The following MMD2 variants were observed in gnomAD, a reference collection of about 807,000 sequenced individuals.
MMD2 encodes monocyte to macrophage differentiation factor 2.
In MMD2, 30 loss-of-function variants were observed where a neutral mutation model predicts 33.5. The ratio of observed to expected loss-of-function variants is 0.90; its 90% CI spans 0.67 to 1.22. MMD2 has a LOEUF of 1.22. Ranked by LOEUF, MMD2 falls within the 50% of genes most tolerant of loss-of-function variation. MMD2 has a pLI of 0.00. For missense variants in MMD2, 364 were observed against 325.4 expected (o/e 1.12, Z -0.91); for synonymous variants, 129 against 123.0 (o/e 1.05, Z -0.32).
In MMD2 at chr7:4,940,512, C is replaced by A. The variant is rs1785878786; in HGVS notation, c.48-14980G>T. On this transcript the variant is annotated intron_variant, in intron 1 of 6. Transcript: ENST00000401401. The surrounding 1 kb of genome is among the most constrained non-coding windows in gnomAD (Gnocchi z 5.0). Reference sequence around the variant, plus strand: ...GTTCTGTCCGTCTGTCCCACAGAGGCAAGGGACCACGCAGGGCCAAGTTGG... The same window carrying A: ...GTTCTGTCCGTCTGTCCCACAGAGGAAAGGGACCACGCAGGGCCAAGTTGG... Among the ~76,000 whole-genome samples, 1 of 152,218 alleles carries A rather than the reference C, an allele frequency of 6.6e-6. No homozygotes were observed. The highest frequency in any genetic ancestry group is 1.5e-5 in the Non-Finnish European group (1 of 68,030).
Position 4,911,203 on chromosome 7 carries a change from A to G in MMD2, c.409T>C (p.Trp137Arg), listed in dbSNP as rs1344501695. ...ACGGAAGCCATAATCCAGACCAGCC[A>G]GCGCATGTGGGAGGCCCAGGGGCCC... ...ELGPWASHMRWLVWIMASVGT... is the reference protein window; with the variant it reads ...ELGPWASHMRRLVWIMASVGT... Residue 137 changes from tryptophan (W) to arginine (R), a missense_variant, in exon 5 of 7, where the codon TGG becomes CGG. Physicochemically the swap from Trp to Arg is moderately radical, Grantham distance 101. Coordinates refer to ENST00000401401, the MANE Select transcript of MMD2 (RefSeq NM_198403.4). 11 of 1,602,616 alleles carry G rather than the reference A, an allele frequency of 6.9e-6. No homozygotes were observed. The highest frequency in any genetic ancestry group is 1.7e-5 in the Admixed American group (1 of 58,298).
chr7:4,930,742 G>T (rs777856198), intron 1 of MMD2, among the ~76,000 whole-genome samples: 4 of 152,134 alleles, frequency 2.6e-5, no homozygotes, highest in Non-Finnish European at 4.4e-5. Context: ...AGAGATTGTG[G>T]CAATGCGAAG....
intron 2 of MMD2, among the ~76,000 whole-genome samples, chr7:4,921,288 C>T (rs989989629): frequency 7.9e-5 from 12 of 152,170 alleles, no homozygotes; most frequent in African/African-American, 2.6e-4. Context: ...CTAAGCAGCA[C>T]AGGCGCCCAG....
intron 1 of MMD2, among the ~76,000 whole-genome samples, chr7:4,935,896 A>T (rs1021351406): frequency 1.3e-5 from 2 of 151,874 alleles, no homozygotes; most frequent in Non-Finnish European, 2.9e-5. Flanking sequence ...CAAAATAAAA[A>T]ATTTTGGGCC....
At chr7:4,936,652 C>A (rs552191104) in intron 1 of MMD2, among the ~76,000 whole-genome samples, 1 of 152,168 alleles carries the variant, frequency 6.6e-6, no homozygotes, top group Non-Finnish European at 1.5e-5. Context: ...CTCAGCCTCC[C>A]AAAGAGCTGG....
rs1372465218 is a variant in MMD2 at position 4,916,145 on chromosome 7, G to A, written c.291-66C>T. On this transcript the variant is annotated intron_variant, in intron 3 of 6. Transcript: ENST00000401401. ...GCAGGGAAGGGCCAGTGCCCCCAGA[G>A]CCGTGCCCTGGACTGATCGTGCCTG... The A allele has an allele frequency of 1.3e-5, 20 of 1,498,172 alleles. No homozygotes were observed. The Admixed American group carries it at 3.2e-4, about 24-fold the overall frequency. 92.8% of individuals were successfully genotyped at this position (1,498,172 alleles called of 1,614,324 possible).
At chr7:4,948,812 T>C (rs1355561551) in intron 1 of MMD2, among the ~76,000 whole-genome samples, 1 of 152,140 alleles carries the variant, frequency 6.6e-6, no homozygotes, top group East Asian at 1.9e-4. Flanking sequence ...CCAAAATTCT[T>C]TTTAGGTTCT....
At chr7:4,951,023 T>C (rs1221234518) in intron 1 of MMD2, among the ~76,000 whole-genome samples, 2 of 152,012 alleles carry the variant, frequency 1.3e-5, no homozygotes, top group Non-Finnish European at 2.9e-5. Flanking sequence ...TAAATTTCCT[T>C]ATTTTGATCT....
intron 3 of MMD2, among the ~76,000 whole-genome samples, chr7:4,919,726 C>A (rs1251887730): frequency 1.3e-5 from 2 of 151,946 alleles, no homozygotes; most frequent in Admixed American, 1.3e-4. Flanking sequence ...TCTCTACCCA[C>A]CCCCCAAAAA....
chr7:4,909,838 G>C (rs778602908), intron 6 of MMD2, 43 bp downstream of exon 6: 2 of 1,581,412 alleles, frequency 1.3e-6, no homozygotes, highest in East Asian at 4.7e-5. Flanking sequence ...GACACTCTTG[G>C]TCTCTTGCAG....
In MMD2 at chr7:4,938,534, G is replaced by A. The variant is rs138211868; in HGVS notation, c.48-13002C>T. ...CAGCTAATCCTAATCACCTCCCAAA[G>A]GTCCCACCCCTCCAATACCACAGTC... On this transcript the variant is annotated intron_variant, in intron 1 of 6. Coordinates refer to ENST00000401401, the MANE Select transcript of MMD2 (RefSeq NM_198403.4). Among the ~76,000 whole-genome samples, 6 of 152,148 alleles carry A rather than the reference G, an allele frequency of 3.9e-5. No homozygotes were observed. In the East Asian group the frequency reaches 9.7e-4, roughly 24 times the overall value.
rs982549184 is a variant in MMD2 at position 4,946,299 on chromosome 7, C to T, written c.47+12672G>A. ...CTTCACAGAGTCGAAACACCATCCC[C>T]GCATCCTAAGAATAGCCATGCTCCA... On this transcript the variant is annotated intron_variant, in intron 1 of 6. Transcript: ENST00000401401. This position sits in a 1 kb window ranked among gnomAD's most constrained non-coding sequence, Gnocchi z 5.0. Among the ~76,000 whole-genome samples, 1 of 152,178 alleles carries T rather than the reference C, an allele frequency of 6.6e-6. No homozygotes were observed. The highest frequency in any genetic ancestry group is 1.5e-5 in the Non-Finnish European group (1 of 68,024).
At chr7:4,949,022 C>A (rs1329524461) in intron 1 of MMD2, among the ~76,000 whole-genome samples, 1 of 151,924 alleles carries the variant, frequency 6.6e-6, no homozygotes, top group Non-Finnish European at 1.5e-5. Flanking sequence ...GTGAGCTGAG[C>A]CAACATGGAA....
intron 1 of MMD2, among the ~76,000 whole-genome samples, chr7:4,942,808 G>C (rs1014607351): frequency 2.7e-5 from 4 of 149,896 alleles, no homozygotes; most frequent in Non-Finnish European, 5.9e-5. Flanking sequence ...GTAGAGACAG[G>C]GTTTCACCAT....
intron 1 of MMD2, among the ~76,000 whole-genome samples, chr7:4,929,966 T>G (rs1298158276): frequency 1.3e-5 from 2 of 152,096 alleles, no homozygotes; most frequent in East Asian, 3.9e-4. Flanking sequence ...GGAGCAGATT[T>G]CATTAGTTAA....
At chr7:4,936,013 C>T (rs1785731017) in intron 1 of MMD2, among the ~76,000 whole-genome samples, 1 of 151,730 alleles carries the variant, frequency 6.6e-6, no homozygotes, top group Non-Finnish European at 1.5e-5. Context: ...GGTGAAACCC[C>T]ATCTCTACTA....
At chr7:4,920,383 C>G in intron 2 of MMD2, 52 bp from the exon 3 acceptor site, 1 of 1,564,560 alleles carries the variant, frequency 6.4e-7, no homozygotes, top group Non-Finnish European at 8.7e-7. Flanking sequence ...TGGCTCAGAG[C>G]ACACCTCCTG....
intron 1 of MMD2, among the ~76,000 whole-genome samples, chr7:4,936,188 A>G (rs1177230315): frequency 5.3e-5 from 8 of 150,216 alleles, no homozygotes. Context: ...TCTGTCTCAA[A>G]AAAAAAAAAA....
At chr7:4,897,417 A>T in the MMD2 span, among the ~76,000 whole-genome samples, 1 of 152,216 alleles carries the variant, frequency 6.6e-6, no homozygotes, top group Non-Finnish European at 1.5e-5. Context: ...GTCCAATACC[A>T]GCAGGACATT....
Sources: allele counts gnomAD v4.1 joint callset (sites outside exome capture counted in the v4.1 genomes callset), GRCh38; gene constraint gnomAD v4.1.1; non-coding constraint Gnocchi (gnomAD v3.1); transcripts MANE v1.5; gene names NCBI Gene and HGNC (gene_info 2026-07-23, HGNC 2026-07-21).